The following PARD3B variants were observed in gnomAD, a reference collection of about 807,000 sequenced individuals.
PARD3B encodes partitioning defective 3 homolog B.
A neutral mutation model predicts 130.2 loss-of-function variants in PARD3B; 103 were observed. The observed-to-expected ratio is 0.79, with a 90% CI of 0.67 to 0.93. The LOEUF is 0.93. Among genes scored for constraint, PARD3B ranks in the 40% least tolerant of loss-of-function variants. The pLI, the probability that PARD3B is intolerant of heterozygous loss-of-function variation, is 0.00. For synonymous variants in PARD3B, 583 were observed against 553.2 expected (o/e 1.05, Z -0.76); for missense variants, 1,609 against 1,499.2 (o/e 1.07, Z -1.21).
chr2:204,581,419 T>C (rs2032547591), intron 1 of PARD3B, among the ~76,000 whole-genome samples: 2 of 152,236 alleles, frequency 1.3e-5, no homozygotes, highest in Non-Finnish European at 2.9e-5. Context: ...GTAATTACTC[T>C]GTAACTAAAA....
intron 18 of PARD3B, among the ~76,000 whole-genome samples, chr2:205,367,033 AG>A (rs375696161): frequency 1.7e-4 from 26 of 152,328 alleles, no homozygotes; most frequent in African/African-American, 6.3e-4. Flanking sequence ...TCTTGGTAAA[AG>A]CAGTGGCTTC....
rs555435343 is a variant in PARD3B, at chr2:204,771,535, G to C, written c.222+85253G>C. ...AAGGAGTACTAGGGCAGGGAAGGAGGGGGGCAAGGGTTGAAAAACTACCTG... is the reference window on the plus strand; with the variant it reads ...AAGGAGTACTAGGGCAGGGAAGGAGCGGGGCAAGGGTTGAAAAACTACCTG... On this transcript the variant is annotated intron_variant, in intron 2 of 22. Coordinates refer to ENST00000406610, the MANE Select transcript of PARD3B (RefSeq NM_001302769.2). Among the ~76,000 whole-genome samples, 42 of 152,146 alleles carry C rather than the reference G, an allele frequency of 2.8e-4. 1 individual carries two copies. Among genetic ancestry groups the C allele is most frequent in the African/African-American group, 1.0e-3 (42 of 41,522 alleles).
chr2:204,704,435 A>T (rs946742674), intron 2 of PARD3B, among the ~76,000 whole-genome samples: 8 of 152,152 alleles, frequency 5.3e-5, no homozygotes, highest in African/African-American at 1.9e-4. Context: ...TTTCTTCAGG[A>T]TGAAAGGATA....
chr2:204,715,381 C>T (rs2038669193), intron 2 of PARD3B, among the ~76,000 whole-genome samples: 3 of 151,938 alleles, frequency 2.0e-5, no homozygotes, highest in Non-Finnish European at 4.4e-5. Flanking sequence ...GATTCTTTTT[C>T]CTGTAGATTT....
At chr2:204,667,464 C>T (rs1482287606) in intron 1 of PARD3B, among the ~76,000 whole-genome samples, 1 of 152,154 alleles carries the variant, frequency 6.6e-6, no homozygotes, top group Non-Finnish European at 1.5e-5. Context: ...GACCTCTCTT[C>T]TGAGTTCCAG....
At chr2:204,559,929 A>G (rs889454880) in intron 1 of PARD3B, among the ~76,000 whole-genome samples, 3 of 152,140 alleles carry the variant, frequency 2.0e-5, no homozygotes, top group Admixed American at 6.5e-5. Flanking sequence ...TGAGCAAACT[A>G]TCACAAAGAC....
intron 1 of PARD3B, among the ~76,000 whole-genome samples, chr2:204,586,216 G>A (rs1574502438): frequency 1.3e-5 from 2 of 152,204 alleles, no homozygotes; most frequent in Middle Eastern, 6.8e-3. Flanking sequence ...CATCATAAAT[G>A]CATACCTGAC....
chr2:204,753,949 C>A (rs1212286222), intron 2 of PARD3B, among the ~76,000 whole-genome samples: 1 of 152,028 alleles, frequency 6.6e-6, no homozygotes, highest in Admixed American at 6.6e-5. Flanking sequence ...TAAGCATTGG[C>A]CCCTGGAATA....
At chr2:204,818,021 A>T (rs1253140472) in intron 2 of PARD3B, among the ~76,000 whole-genome samples, 1 of 152,144 alleles carries the variant, frequency 6.6e-6, no homozygotes, top group Non-Finnish European at 1.5e-5. Context: ...TTTATTTATA[A>T]AGGCATACGC....
At chr2:205,038,556 C>A (rs1240737992) in intron 3 of PARD3B, among the ~76,000 whole-genome samples, 1 of 152,172 alleles carries the variant, frequency 6.6e-6, no homozygotes, top group Admixed American at 6.5e-5. Flanking sequence ...GTTCAACCCA[C>A]TTCAAGTGGA....
At chr2:205,613,838 C>T (rs1040184181) in intron 22 of PARD3B, among the ~76,000 whole-genome samples, 1 of 152,164 alleles carries the variant, frequency 6.6e-6, no homozygotes, top group Admixed American at 6.5e-5. Flanking sequence ...ATTTGAGCAA[C>T]TTACAGAGCT....
chr2:205,605,036 T>G (rs2054932291), intron 22 of PARD3B, among the ~76,000 whole-genome samples: 2 of 152,220 alleles, frequency 1.3e-5, no homozygotes, highest in South Asian at 2.1e-4. Context: ...GAAGTTCTTG[T>G]GATGTGTTTT....
intron 2 of PARD3B, among the ~76,000 whole-genome samples, chr2:204,811,171 C>G (rs1480409795): frequency 1.3e-5 from 2 of 151,632 alleles, no homozygotes; most frequent in Non-Finnish European, 2.9e-5. Context: ...CTTTGTTGTT[C>G]CTGATAGTGT....
At position 205,300,582 on chromosome 2, in the gene PARD3B, C is replaced by T; in HGVS notation, c.2238C>T (p.Ser746=). 1 of 1,613,894 alleles carries T rather than the reference C, an allele frequency of 6.2e-7. No individual in the cohort carries two copies. Among genetic ancestry groups the T allele is most frequent in the Non-Finnish European group, 8.5e-7 (1 of 1,179,996 alleles). The change falls in exon 17 of 23, where the codon TCC becomes TCT. Residue 746 remains serine (S), a synonymous_variant. Coordinates refer to ENST00000406610, the MANE Select transcript of PARD3B (RefSeq NM_001302769.2). This position sits in a 1 kb window ranked among gnomAD's most constrained non-coding sequence, Gnocchi z 4.1. ...GPTLGLKKSS[S]LESLQTAVAE... ...CTCTGGGTTTGAAAAAGTCCAGCTC[C>T]TTGGAGAGTCTGCAGACTGCAGTGG...
At chr2:205,259,749 C>T (rs1161028378) in intron 16 of PARD3B, among the ~76,000 whole-genome samples, 1 of 152,058 alleles carries the variant, frequency 6.6e-6, no homozygotes, top group Non-Finnish European at 1.5e-5. Context: ...ATTTTTCTGT[C>T]TTCTTGACTC....
At chr2:205,285,481 C>T (rs1432482792) in intron 16 of PARD3B, among the ~76,000 whole-genome samples, 1 of 152,054 alleles carries the variant, frequency 6.6e-6, no homozygotes, top group African/African-American at 2.4e-5. Context: ...CTTCAGAGGC[C>T]CCTTATTGCC....
intron 22 of PARD3B, among the ~76,000 whole-genome samples, chr2:205,554,927 C>T (rs1268986011): frequency 6.6e-6 from 1 of 152,054 alleles, no homozygotes; most frequent in South Asian, 2.1e-4. Context: ...AGGTCGGGGG[C>T]TGGGGTGCGG....
chr2:205,542,382 GTA>G (rs1553540506), intron 21 of PARD3B, among the ~76,000 whole-genome samples: 1 of 135,686 alleles, frequency 7.4e-6, no homozygotes, highest in Admixed American at 7.8e-5. Flanking sequence ...GTGTGTGTGT[GTA>G]TGTATGTATG....
intron 21 of PARD3B, among the ~76,000 whole-genome samples, chr2:205,545,741 G>A (rs1194815464): frequency 1.3e-5 from 2 of 152,102 alleles, no homozygotes; most frequent in Non-Finnish European, 2.9e-5. Flanking sequence ...TGTTAATTTT[G>A]AATTGTTTCC....
Sources: allele counts gnomAD v4.1 joint callset (sites outside exome capture counted in the v4.1 genomes callset), GRCh38; gene constraint gnomAD v4.1.1; non-coding constraint Gnocchi (gnomAD v3.1); transcripts MANE v1.5; gene names NCBI Gene and HGNC (gene_info 2026-07-23, HGNC 2026-07-21).